EPHA5: variants seen among roughly 807,000 people sequenced by gnomAD.
The protein encoded by EPHA5 is EPH receptor A5.
In EPHA5, 60 loss-of-function variants were observed where a neutral mutation model predicts 105.0. That is an observed-to-expected ratio of 0.57 (90% CI 0.46 to 0.71). The LOEUF is 0.71. Ranked by LOEUF, EPHA5 falls within the 30% of genes least tolerant of loss-of-function variation. The pLI, the probability that EPHA5 is intolerant of heterozygous loss-of-function variation, is 0.00. For missense variants in EPHA5, 1,218 were observed against 1,274.7 expected (o/e 0.96, Z 0.68); for synonymous variants, 513 against 449.1 (o/e 1.14, Z -1.80).
In EPHA5 at chr4:65,319,950, A is replaced by G. The variant is rs893456058; in HGVS notation, c.*4164T>C. 7 of 230,086 alleles carry G rather than the reference A, an allele frequency of 3.0e-5. No individual in the cohort carries two copies. Among genetic ancestry groups the G allele is most frequent in the Non-Finnish European group, 5.2e-5 (6 of 116,100 alleles). The allele number at this position is 230,086 out of a possible 1,614,324, so 14.3% of individuals were successfully genotyped here. A position where few individuals can be genotyped will look rare whatever the true frequency, so the allele number is the denominator to read the frequency against. ...AACTTCTACTGTGAATACAGTTCCC[A>G]GCCTGAATAAACATGACATTTTACC... On this transcript the variant is annotated 3_prime_UTR_variant, in exon 17 of 17. Transcript: ENST00000613740.
At chr4:65,396,857 A>G (rs1276154573) in intron 8 of EPHA5, among the ~76,000 whole-genome samples, 2 of 152,152 alleles carry the variant, frequency 1.3e-5, no homozygotes, top group Non-Finnish European at 2.9e-5. Flanking sequence ...GGCACCAGAT[A>G]GTACTTTAGA....
Position 65,414,338 on chromosome 4 carries a change from C to G in EPHA5, c.1633G>C (p.Ala545Pro), listed in dbSNP as rs760149987. The G allele has an allele frequency of 1.2e-6, 2 of 1,614,034 alleles. No individual in the cohort carries two copies. Among genetic ancestry groups the G allele is most frequent in the Non-Finnish European group, 1.7e-6 (2 of 1,179,948 alleles). ...CGACTGAAGACACCATAGCCTGCTG[C>G]TGTACGTGCTCGAATTTGGAAGACA... Reference protein sequence around the residue: ...VYVFQIRARTAAGYGVFSRRF... With the variant: ...VYVFQIRARTPAGYGVFSRRF... The change falls in exon 7 of 17, where the codon GCA (alanine) becomes CCA (proline). Residue 545 changes from alanine (A) to proline (P), a missense_variant. By Grantham distance (27) the Ala-to-Pro change is conservative. Coordinates refer to ENST00000613740, the MANE Select transcript of EPHA5 (RefSeq NM_001281766.3).
At chr4:65,557,339 A>G (rs1163630605) in intron 3 of EPHA5, among the ~76,000 whole-genome samples, 1 of 149,788 alleles carries the variant, frequency 6.7e-6, no homozygotes, top group Non-Finnish European at 1.5e-5. Context: ...AGCAGAAAGC[A>G]TAATCTGTAA....
At chr4:65,650,476 C>T (rs369462518) in intron 1 of EPHA5, among the ~76,000 whole-genome samples, 18 of 148,612 alleles carry the variant, frequency 1.2e-4, no homozygotes, top group East Asian at 9.9e-4. Flanking sequence ...AGGAGAATGG[C>T]GTGAACTTAG....
chr4:65,506,043 T>A (rs1294304599), intron 3 of EPHA5, among the ~76,000 whole-genome samples: 1 of 152,014 alleles, frequency 6.6e-6, no homozygotes, highest in Non-Finnish European at 1.5e-5. Flanking sequence ...ATGCTCCCCT[T>A]CCTGTGTCCA....
chr4:65,336,206 CT>C, intron 14 of EPHA5, 81 bp from the exon 15 acceptor site: 1 of 1,139,506 alleles, frequency 8.8e-7, no homozygotes, highest in Non-Finnish European at 1.2e-6. Flanking sequence ...CACTGTCCAA[CT>C]TTTATCCTTT....
At chr4:65,573,773 G>A (rs558991336) in intron 3 of EPHA5, 2 of 1,612,868 alleles carry the variant, frequency 1.2e-6, no homozygotes, top group Non-Finnish European at 1.7e-6. Flanking sequence ...GCGGTACCCG[G>A]GTGGTTAAAC....
chr4:65,544,612 C>T (rs1408193010), intron 3 of EPHA5, among the ~76,000 whole-genome samples: 3 of 151,962 alleles, frequency 2.0e-5, no homozygotes, highest in Admixed American at 6.6e-5. Flanking sequence ...AATAGCGACG[C>T]TTTTACATTG....
At chr4:65,600,540 C>T (rs1264528028) in intron 3 of EPHA5, among the ~76,000 whole-genome samples, 1 of 151,926 alleles carries the variant, frequency 6.6e-6, no homozygotes. Flanking sequence ...GTTTTGTTTC[C>T]CTGGATCGAT....
chr4:65,542,769 G>GAAAAAAAA (rs59298185), intron 3 of EPHA5, among the ~76,000 whole-genome samples: 1 of 149,734 alleles, frequency 6.7e-6, no homozygotes, highest in African/African-American at 2.4e-5. Flanking sequence ...ACACAACAAA[G>GAAAAAAAA]AAAAAAAAAA....
intron 2 of EPHA5, among the ~76,000 whole-genome samples, chr4:65,605,121 G>A (rs1744099769): frequency 6.6e-6 from 1 of 152,002 alleles, no homozygotes; most frequent in Admixed American, 6.6e-5. Context: ...TAAATAACTG[G>A]TTACGCAGCT....
At position 65,420,337 on chromosome 4, in the gene EPHA5, T is replaced by G. The variant is rs534769940; in HGVS notation, c.1527+104A>C. On this transcript the variant is annotated intron_variant, in intron 6 of 16. Transcript: ENST00000613740. ...GACTGCAGAATCAATTGTCATTGAT[T>G]TACACATAAAATTGCAACATACTCT... The G allele has an allele frequency of 1.1e-5, 13 of 1,135,568 alleles. 1 individual carries two copies. In the South Asian group the frequency reaches 1.9e-4, roughly 16 times the overall value. 70.3% of individuals were successfully genotyped at this position (1,135,568 alleles called of 1,614,324 possible).
chr4:65,452,364 C>G (rs148404719), intron 5 of EPHA5, among the ~76,000 whole-genome samples: 1 of 152,112 alleles, frequency 6.6e-6, no homozygotes, highest in East Asian at 1.9e-4. Flanking sequence ...GATTAACACA[C>G]CTATTCCTAA....
In EPHA5 at chr4:65,392,287, C is replaced by T. The variant is rs1720792809; in HGVS notation, c.1793+12087G>A. 2.6e-5 allele frequency among the ~76,000 whole-genome samples: 4 copies of T among 152,122 alleles called. No homozygotes were observed. In the South Asian group the frequency reaches 8.3e-4, roughly 32 times the overall value. On this transcript the variant is annotated intron_variant, in intron 8 of 16. Coordinates refer to ENST00000613740, the MANE Select transcript of EPHA5 (RefSeq NM_001281766.3). ...AAATCAATACACGTCTGGATTTTTT[C>T]CAGTTTTACAAAGTCACATCTATTG...
In EPHA5 at chr4:65,495,346, T is replaced by C. The variant is rs200780613; in HGVS notation, c.1066+42A>G. ...CTCCATCATGCTGTTTCCTCAAAAC[T>C]GGTTAAAGTTAGCACCACCAAATAT... On this transcript the variant is annotated intron_variant, in intron 4 of 16. Transcript: ENST00000613740. The C allele has an allele frequency of 2.3e-4, 362 of 1,587,184 alleles. 1 individual carries two copies. Among genetic ancestry groups the C allele is most frequent in the Admixed American group, 2.1e-4 (12 of 56,504 alleles).
chr4:65,558,327 A>G (rs1007416057), intron 3 of EPHA5, among the ~76,000 whole-genome samples: 4 of 152,154 alleles, frequency 2.6e-5, no homozygotes, highest in Non-Finnish European at 5.9e-5. Context: ...AATTTTTCAC[A>G]CTTCATTCAT....
chr4:65,500,302 A>G (rs1019404546), intron 3 of EPHA5, among the ~76,000 whole-genome samples: 1 of 151,276 alleles, frequency 6.6e-6, no homozygotes, highest in East Asian at 1.9e-4. Flanking sequence ...CCATATTGAC[A>G]TGTTTCATGA....
At chr4:65,383,220 T>C (rs201002169) in intron 8 of EPHA5, among the ~76,000 whole-genome samples, 2,331 of 144,646 alleles carry the variant, frequency 0.016, 47 homozygotes, top group East Asian at 0.045. Context: ...ATATATGATA[T>C]ACACACACAC....
intron 3 of EPHA5, among the ~76,000 whole-genome samples, chr4:65,550,193 G>A (rs990031830): frequency 9.2e-5 from 14 of 151,544 alleles, no homozygotes; most frequent in Non-Finnish European, 1.6e-4. Context: ...TAAGGAAAAA[G>A]AAACAATAAA....
Sources: gnomAD v4.1 joint callset for allele counts (sites outside exome capture counted in the v4.1 genomes callset) on GRCh38, gnomAD v4.1.1 for gene constraint, MANE v1.5 for transcripts, NCBI Gene and HGNC (gene_info 2026-07-23, HGNC 2026-07-21) for gene names.